The following MAP2K5 variants were observed in gnomAD, a reference collection of about 807,000 sequenced individuals.
MAP2K5 encodes the protein dual specificity mitogen-activated protein kinase kinase 5.
MAP2K5 carries 49 observed loss-of-function variants against 83.1 expected under a neutral mutation model. That is an observed-to-expected ratio of 0.59 (90% CI 0.47 to 0.75). The LOEUF (loss-of-function observed/expected upper bound fraction) is 0.75. Among genes scored for constraint, MAP2K5 ranks in the 30% least tolerant of loss-of-function variants. MAP2K5 has a pLI of 0.00. For synonymous variants in MAP2K5, 202 were observed against 191.8 expected (o/e 1.05, Z -0.44); for missense variants, 457 against 557.5 (o/e 0.82, Z 1.82).
At chr15:67,689,883 T>C (rs2088057490) in intron 13 of MAP2K5, among the ~76,000 whole-genome samples, 1 of 152,202 alleles carries the variant, frequency 6.6e-6, no homozygotes, top group South Asian at 2.1e-4. Flanking sequence ...CCATCTGATA[T>C]GGTAGCTTAA....
Position 67,543,143 on chromosome 15 carries a change from G to T in MAP2K5, c.-193G>T. The T allele has an allele frequency of 1.7e-6, 1 of 605,788 alleles. No homozygotes were observed. Among genetic ancestry groups the T allele is most frequent in the Non-Finnish European group, 2.9e-6 (1 of 341,744 alleles). 37.5% of individuals were successfully genotyped at this position (605,788 alleles called of 1,614,324 possible). On this transcript the variant is annotated 5_prime_UTR_variant, in exon 1 of 22. Coordinates refer to ENST00000178640, the MANE Select transcript of MAP2K5 (RefSeq NM_145160.3). This position sits in a 1 kb window ranked among gnomAD's most constrained non-coding sequence, Gnocchi z 4.3. The stretch of plus-strand genomic sequence containing the variant: ...CGGGAGACACCTCAGACCCCCGACA[G>T]CCTGGGCAGGCTCGGTGCCTGCGGG...
At chr15:67,804,456 G>C (rs953596009) in intron 21 of MAP2K5, among the ~76,000 whole-genome samples, 5 of 152,230 alleles carry the variant, frequency 3.3e-5, no homozygotes, top group African/African-American at 1.2e-4. Context: ...TCCCAGCTGA[G>C]GAGGGCAGGA....
At chr15:67,712,779 G>T (rs920112235) in intron 16 of MAP2K5, among the ~76,000 whole-genome samples, 1 of 152,148 alleles carries the variant, frequency 6.6e-6, no homozygotes. Context: ...TTAGCTGGGT[G>T]TGGTGGCAGG....
rs1252044318 is a variant in MAP2K5 at position 67,749,961 on chromosome 15, A to G, written c.1134+1360A>G. ...TCTACCGTTGGTCTGCCAGGCTCCT[A>G]GGCATCAGAACATCCAGGTAAAGGC... On this transcript the variant is annotated intron_variant, in intron 19 of 21. Transcript: ENST00000178640. This position sits in a 1 kb window ranked among gnomAD's most constrained non-coding sequence, Gnocchi z 4.6. Among the ~76,000 whole-genome samples the G allele has an allele frequency of 6.6e-6, 1 of 152,186 alleles. No homozygotes were observed. The highest frequency in any genetic ancestry group is 6.5e-5 in the Admixed American group (1 of 15,280).
At chr15:67,743,381 T>C (rs904363531) in intron 17 of MAP2K5, among the ~76,000 whole-genome samples, 2 of 152,242 alleles carry the variant, frequency 1.3e-5, no homozygotes, top group Admixed American at 6.5e-5. Flanking sequence ...CAGAGGCTGA[T>C]GAACAGGGGA....
chr15:67,582,059 C>T (rs72749337), intron 4 of MAP2K5, among the ~76,000 whole-genome samples: 15,255 of 122,220 alleles, frequency 0.12, 934 homozygotes, highest in East Asian at 0.21. Flanking sequence ...TAGATGATTT[C>T]TTTTTTTTTT....
rs552816196 is a variant in MAP2K5 at position 67,714,700 on chromosome 15, A to G, written c.1044+11292A>G. On this transcript the variant is annotated intron_variant, in intron 16 of 21. Coordinates refer to ENST00000178640, the MANE Select transcript of MAP2K5 (RefSeq NM_145160.3). ...AAGAATGTGAGTGAAATCTTACTAC[A>G]TGTTGAATATTCCTAACCTGAAAGC... 6.2e-4 allele frequency among the ~76,000 whole-genome samples: 94 copies of G among 152,216 alleles called. 1 individual carries two copies. The South Asian group carries it at 0.019, about 31-fold the overall frequency.
chr15:67,592,807 A>G, intron 6 of MAP2K5, 119 bp from the exon 7 acceptor site: 1 of 565,680 alleles, frequency 1.8e-6, no homozygotes, highest in South Asian at 2.3e-5. Context: ...TGGGAGAAGG[A>G]TGTGAAGAAT....
rs1485496788 is a variant in MAP2K5 at position 67,802,952 on chromosome 15, G to A, written c.1243-3694G>A. 1.3e-5 allele frequency among the ~76,000 whole-genome samples: 2 copies of A among 152,226 alleles called. No homozygotes were observed. The highest frequency in any genetic ancestry group is 4.8e-5 in the African/African-American group (2 of 41,468). On this transcript the variant is annotated intron_variant, in intron 21 of 21. Transcript: ENST00000178640. This position sits in a 1 kb window ranked among gnomAD's most constrained non-coding sequence, Gnocchi z 5.0. Reference sequence around the variant, plus strand: ...GTTGGCTGTCTGATTGCAGGCACAGGAGAGCAAGGCGTTTGGAGTCGGAGA... The same window carrying A: ...GTTGGCTGTCTGATTGCAGGCACAGAAGAGCAAGGCGTTTGGAGTCGGAGA...
In MAP2K5 at chr15:67,806,794, G is replaced by GAAC; in HGVS notation, c.*48_*50dup. 3.8e-6 allele frequency: 6 copies of GAAC among 1,594,562 alleles called. No homozygotes were observed. Among genetic ancestry groups the GAAC allele is most frequent in the Non-Finnish European group, 4.2e-6 (5 of 1,176,988 alleles). On this transcript the variant is annotated 3_prime_UTR_variant, in exon 22 of 22. Coordinates refer to ENST00000178640, the MANE Select transcript of MAP2K5 (RefSeq NM_145160.3). ...AAAGCCCAGGACCAGTAACCAAGGA[G>GAAC]AACAACCCACCCGTCGCCCTTCTCC...
At chr15:67,548,092 T>C (rs2084433106) in intron 1 of MAP2K5, among the ~76,000 whole-genome samples, 2 of 152,212 alleles carry the variant, frequency 1.3e-5, no homozygotes, top group Non-Finnish European at 2.9e-5. Context: ...GGCTAAGGCA[T>C]GCCATTGCCA....
intron 8 of MAP2K5, among the ~76,000 whole-genome samples, chr15:67,609,772 G>T (rs949511086): frequency 1.3e-5 from 2 of 151,884 alleles, no homozygotes; most frequent in African/African-American, 2.4e-5. Context: ...ATCTGAGGAG[G>T]TGCTGTTTGA....
chr15:67,805,755 C>T (rs1292939685), intron 21 of MAP2K5, among the ~76,000 whole-genome samples: 2 of 152,320 alleles, frequency 1.3e-5, no homozygotes, highest in East Asian at 1.9e-4. Context: ...GAGGAAGCCA[C>T]TTGGTGTAAG....
At chr15:67,688,744 C>G (rs1387565603) in intron 13 of MAP2K5, among the ~76,000 whole-genome samples, 9 of 152,164 alleles carry the variant, frequency 5.9e-5, no homozygotes, top group African/African-American at 2.2e-4. Context: ...TAACTGTTAT[C>G]TCCCTACAGA....
In MAP2K5 at chr15:67,801,162, C is replaced by T. The variant is rs372096977; in HGVS notation, c.1243-5484C>T. ...GGACAGAAGTGTTATCACAGCCAAG[C>T]GGGCTGGAATCCTAAAGGGAGATGC... is the stretch of plus-strand genomic sequence containing the variant. On this transcript the variant is annotated intron_variant, in intron 21 of 21. Coordinates refer to ENST00000178640, the MANE Select transcript of MAP2K5 (RefSeq NM_145160.3). The surrounding 1 kb of genome is among the most constrained non-coding windows in gnomAD (Gnocchi z 4.8). 2.2e-4 allele frequency among the ~76,000 whole-genome samples: 33 copies of T among 152,220 alleles called. No homozygotes were observed. The highest frequency in any genetic ancestry group is 6.7e-4 in the African/African-American group (28 of 41,510).
intron 3 of MAP2K5, among the ~76,000 whole-genome samples, chr15:67,569,019 A>G (rs375597060): frequency 7.6e-6 from 1 of 132,316 alleles, no homozygotes; most frequent in African/African-American, 2.8e-5. Flanking sequence ...AAAAAAAAAA[A>G]CAAAAAAAAA....
rs1361256096 is a variant in MAP2K5, at chr15:67,747,810, T to G, written c.1075-421T>G. Among the ~76,000 whole-genome samples the G allele has an allele frequency of 6.6e-6, 1 of 152,244 alleles. No individual in the cohort carries two copies. The highest frequency in any genetic ancestry group is 1.5e-5 in the Non-Finnish European group (1 of 68,042). On this transcript the variant is annotated intron_variant, in intron 17 of 21. Coordinates refer to ENST00000178640, the MANE Select transcript of MAP2K5 (RefSeq NM_145160.3). This position sits in a 1 kb window ranked among gnomAD's most constrained non-coding sequence, Gnocchi z 4.1. Reference sequence around the variant, plus strand: ...AGACACTGGCAGGAATCCAAAATTCTAATTTCTGACTATGATTTAATTTCA... The same window carrying G: ...AGACACTGGCAGGAATCCAAAATTCGAATTTCTGACTATGATTTAATTTCA...
chr15:67,772,597 T>C (rs558402002), intron 20 of MAP2K5, 110 bp from the exon 21 acceptor site: 1 of 623,222 alleles, frequency 1.6e-6, no homozygotes, highest in Non-Finnish European at 2.7e-6. Context: ...TTGAACATGA[T>C]GTATTTTGAA....
rs1388122088 is a variant in MAP2K5, at chr15:67,747,325, C to A, written c.1075-906C>A. 6.6e-6 allele frequency among the ~76,000 whole-genome samples: 1 copy of A among 152,194 alleles called. No individual in the cohort carries two copies. Among genetic ancestry groups the A allele is most frequent in the African/African-American group, 2.4e-5 (1 of 41,442 alleles). ...GTTGGAGCCCAGTTATCTCAGAAAA[C>A]AGTTGACCCATCAGTATTTGGTTCC... On this transcript the variant is annotated intron_variant, in intron 17 of 21. Transcript: ENST00000178640. The surrounding 1 kb of genome is among the most constrained non-coding windows in gnomAD (Gnocchi z 4.1).
Sources: allele counts gnomAD v4.1 joint callset (sites outside exome capture counted in the v4.1 genomes callset), GRCh38; gene constraint gnomAD v4.1.1; non-coding constraint Gnocchi (gnomAD v3.1); transcripts MANE v1.5; gene names NCBI Gene and HGNC (gene_info 2026-07-23, HGNC 2026-07-21).